Variants in ABHD6 observed in about 807,000 individuals in gnomAD.
The protein encoded by ABHD6 is abhydrolase domain containing 6, acylglycerol lipase, also known as monoacylglycerol lipase ABHD6.
ABHD6 carries 33 observed loss-of-function variants against 38.8 expected under a neutral mutation model. The observed-to-expected ratio is 0.85, with a 90% CI of 0.64 to 1.14. The LOEUF (loss-of-function observed/expected upper bound fraction) is 1.14, where lower values mean the gene tolerates loss of function less well. Ranked by LOEUF, ABHD6 falls within the 50% of genes most tolerant of loss-of-function variation. The pLI is 0.00. For synonymous variants in ABHD6, 147 were observed against 161.6 expected (o/e 0.91, Z 0.69); for missense variants, 380 against 422.6 (o/e 0.90, Z 0.88).
chr3:58,245,285 C>T (rs1384976931), intron 1 of ABHD6, among the ~76,000 whole-genome samples: 1 of 152,182 alleles, frequency 6.6e-6, no homozygotes, highest in Non-Finnish European at 1.5e-5. Flanking sequence ...CTGCCTCAGC[C>T]TCCTGAGTAG....
rs2097465435 is a variant in ABHD6, at chr3:58,293,978, T to C, written c.*213T>C. The C allele has an allele frequency of 2.1e-6, 1 of 466,046 alleles. No individual in the cohort carries two copies. The highest frequency in any genetic ancestry group is 3.7e-6 in the Non-Finnish European group (1 of 268,714). 28.9% of individuals were successfully genotyped at this position (466,046 alleles called of 1,614,324 possible). ...ATATTTTTCACAAAATAGAAACTCATATGGAACAAAATAAGAAACCCCAGC... is the reference window on the plus strand; with the variant it reads ...ATATTTTTCACAAAATAGAAACTCACATGGAACAAAATAAGAAACCCCAGC... On this transcript the variant is annotated 3_prime_UTR_variant, in exon 10 of 10. Transcript: ENST00000478253. The surrounding 1 kb of genome is among the most constrained non-coding windows in gnomAD (Gnocchi z 4.4).
Position 58,238,838 on chromosome 3 carries a change from C to T in ABHD6, c.-91+922C>T, listed in dbSNP as rs1427313522. ...TCATTTATCTCGCCGCCCCCCTCCC[C>T]GCTGCTCCCGCCTGCTCAGAAATCC... On this transcript the variant is annotated intron_variant, in intron 1 of 9. Coordinates refer to ENST00000478253, the MANE Select transcript of ABHD6 (RefSeq NM_001320126.2). This position sits in a 1 kb window ranked among gnomAD's most constrained non-coding sequence, Gnocchi z 6.9. Among the ~76,000 whole-genome samples the T allele has an allele frequency of 6.6e-6, 1 of 152,172 alleles. No individual in the cohort carries two copies. The highest frequency in any genetic ancestry group is 2.4e-5 in the African/African-American group (1 of 41,432).
Position 58,284,697 on chromosome 3 carries a change from C to T in ABHD6, c.682-388C>T, listed in dbSNP as rs150612983. ...AACTCCTGGCCTCAAGTGATCTGCC[C>T]GCCTTGGCCTCCTGAAGTGCTGGGA... On this transcript the variant is annotated intron_variant, in intron 7 of 9. Coordinates refer to ENST00000478253, the MANE Select transcript of ABHD6 (RefSeq NM_001320126.2). 3.2e-3 allele frequency among the ~76,000 whole-genome samples: 490 copies of T among 152,110 alleles called. 1 individual carries two copies. Among genetic ancestry groups the T allele is most frequent in the Non-Finnish European group, 4.9e-3 (333 of 67,994 alleles).
intron 3 of ABHD6, among the ~76,000 whole-genome samples, chr3:58,260,379 C>T (rs753093372): frequency 3.9e-5 from 6 of 152,172 alleles, no homozygotes; most frequent in African/African-American, 1.4e-4. Context: ...GATGAAAATC[C>T]TAGAAAACCT....
chr3:58,261,156 C>T (rs1385959502), intron 3 of ABHD6, among the ~76,000 whole-genome samples: 2 of 152,022 alleles, frequency 1.3e-5, no homozygotes, highest in Non-Finnish European at 2.9e-5. Context: ...CCCAAAGAAA[C>T]TCAGTTGTGA....
At chr3:58,240,305 T>C (rs2097421914) in intron 1 of ABHD6, among the ~76,000 whole-genome samples, 1 of 152,066 alleles carries the variant, frequency 6.6e-6, no homozygotes, top group Non-Finnish European at 1.5e-5. Context: ...CCTGGAACTC[T>C]TGGGCTCAAG....
At chr3:58,248,496 G>A (rs2097427900) in intron 1 of ABHD6, among the ~76,000 whole-genome samples, 1 of 152,136 alleles carries the variant, frequency 6.6e-6, no homozygotes, top group Non-Finnish European at 1.5e-5. Flanking sequence ...TTGGGAGTTC[G>A]AAGACCAGCC....
chr3:58,276,576 C>CT (rs1559780584), intron 7 of ABHD6, among the ~76,000 whole-genome samples: 1 of 152,158 alleles, frequency 6.6e-6, no homozygotes, highest in Non-Finnish European at 1.5e-5. Context: ...CCTGTTCACT[C>CT]TGATGGCAGT....
intron 2 of ABHD6, among the ~76,000 whole-genome samples, chr3:58,255,672 T>C (rs2097432756): frequency 6.6e-6 from 1 of 152,008 alleles, no homozygotes; most frequent in Non-Finnish European, 1.5e-5. Flanking sequence ...TTTTTTGAGA[T>C]AGAGTCTTGT....
rs2107450638 is a variant in ABHD6, at chr3:58,267,051, G to GA, written c.120-137dup. 4 of 924,140 alleles carry GA rather than the reference G, an allele frequency of 4.3e-6. No individual in the cohort carries two copies. In the East Asian group the frequency reaches 9.8e-5, roughly 23 times the overall value. 57.2% of individuals were successfully genotyped at this position (924,140 alleles called of 1,614,324 possible). On this transcript the variant is annotated intron_variant, in intron 3 of 9. Coordinates refer to ENST00000478253, the MANE Select transcript of ABHD6 (RefSeq NM_001320126.2). This position sits in a 1 kb window ranked among gnomAD's most constrained non-coding sequence, Gnocchi z 4.3. ...GGGTAAAGCTCAGGAGGACTCTAGA[G>GA]ACTGATGGAGGACAAGGGCTGGAGA...
Position 58,251,536 on chromosome 3 carries a change from A to G in ABHD6, c.-26+1594A>G, listed in dbSNP as rs147465864. On this transcript the variant is annotated intron_variant, in intron 2 of 9. Transcript: ENST00000478253. The surrounding 1 kb of genome is among the most constrained non-coding windows in gnomAD (Gnocchi z 5.4). The stretch of plus-strand genomic sequence containing the variant: ...TGTGCCTTACTCCTAACCCCAGATT[A>G]AACTTCATTTCCCTGATGTAATGTT... Among the ~76,000 whole-genome samples the G allele has an allele frequency of 2.0e-4, 31 of 152,352 alleles. No homozygotes were observed. The East Asian group carries it at 5.4e-3, about 27-fold the overall frequency.
At chr3:58,249,055 G>A (rs1006439878) in intron 1 of ABHD6, among the ~76,000 whole-genome samples, 2 of 152,012 alleles carry the variant, frequency 1.3e-5, no homozygotes, top group African/African-American at 4.8e-5. Context: ...GTTGTTATTG[G>A]TCTTGATTTG....
chr3:58,267,885 G>A lies in ABHD6; in HGVS notation c.276+540G>A, dbSNP rs1009016842. ...ACTTGAGCCCAGGAGTTTGAGACCA[G>A]CCTGGGCAACATAGGGAGACTCCGT... On this transcript the variant is annotated intron_variant, in intron 4 of 9. Transcript: ENST00000478253. This position sits in a 1 kb window ranked among gnomAD's most constrained non-coding sequence, Gnocchi z 4.3. Among the ~76,000 whole-genome samples, 4 of 152,128 alleles carry A rather than the reference G, an allele frequency of 2.6e-5. No individual in the cohort carries two copies. Among genetic ancestry groups the A allele is most frequent in the South Asian group, 4.1e-4 (2 of 4,824 alleles).
chr3:58,273,071 A>G lies in ABHD6; in HGVS notation c.524-1587A>G, dbSNP rs149837835. On this transcript the variant is annotated intron_variant, in intron 6 of 9. Coordinates refer to ENST00000478253, the MANE Select transcript of ABHD6 (RefSeq NM_001320126.2). The surrounding 1 kb of genome is among the most constrained non-coding windows in gnomAD (Gnocchi z 4.8). ...TGGGATCCAGTCCAGGATGTACCAC[A>G]TGACATCTAACCTAGGTTTAGTTTT... Among the ~76,000 whole-genome samples the G allele has an allele frequency of 4.5e-4, 68 of 152,324 alleles. No individual in the cohort carries two copies. In the East Asian group the frequency reaches 0.013, roughly 29 times the overall value.
Position 58,267,044 on chromosome 3 carries a change from C to T in ABHD6, c.120-145C>T. On this transcript the variant is annotated intron_variant, in intron 3 of 9. Coordinates refer to ENST00000478253, the MANE Select transcript of ABHD6 (RefSeq NM_001320126.2). The surrounding 1 kb of genome is among the most constrained non-coding windows in gnomAD (Gnocchi z 4.3). ...TCCTTGAGGGTAAAGCTCAGGAGGA[C>T]TCTAGAGACTGATGGAGGACAAGGG... is the stretch of plus-strand genomic sequence containing the variant. 1 of 852,682 alleles carries T rather than the reference C, an allele frequency of 1.2e-6. No individual in the cohort carries two copies. The highest frequency in any genetic ancestry group is 1.8e-6 in the Non-Finnish European group (1 of 550,252). 52.8% of individuals were successfully genotyped at this position (852,682 alleles called of 1,614,324 possible).
In ABHD6 at chr3:58,285,584, C is replaced by CCAACACA; in HGVS notation, c.837+131_837+132insCAACACA. The CCAACACA allele has an allele frequency of 3.9e-6, 3 of 768,406 alleles. No individual in the cohort carries two copies. Among genetic ancestry groups the CCAACACA allele is most frequent in the Non-Finnish European group, 6.7e-6 (3 of 449,870 alleles). The allele number at this position is 768,406 out of a possible 1,614,324, so 47.6% of individuals were successfully genotyped here. On this transcript the variant is annotated intron_variant, in intron 9 of 9. Coordinates refer to ENST00000478253, the MANE Select transcript of ABHD6 (RefSeq NM_001320126.2). The surrounding 1 kb of genome is among the most constrained non-coding windows in gnomAD (Gnocchi z 4.9). The stretch of plus-strand genomic sequence containing the variant: ...GCTGTCAGGAAGAGGGGGAAGGCAC[C>CCAACACA]TGTGTTGGGTGCCAGTGTTGACAGT...
At chr3:58,246,113 T>G (rs931016802) in intron 1 of ABHD6, among the ~76,000 whole-genome samples, 1 of 152,174 alleles carries the variant, frequency 6.6e-6, no homozygotes, top group Non-Finnish European at 1.5e-5. Flanking sequence ...AACGTTCAAA[T>G]CAAAGCCTGT....
chr3:58,245,827 A>AAAAC (rs1553717712), intron 1 of ABHD6, among the ~76,000 whole-genome samples: 1 of 150,894 alleles, frequency 6.6e-6, no homozygotes, highest in Admixed American at 6.6e-5. Flanking sequence ...GAAAGAAAGA[A>AAAAC]AAAGAAAGAA....
At chr3:58,268,074 T>C (rs2097442388) in intron 4 of ABHD6, among the ~76,000 whole-genome samples, 2 of 152,184 alleles carry the variant, frequency 1.3e-5, no homozygotes, top group African/African-American at 4.8e-5. Flanking sequence ...AGACCCTGTC[T>C]CAAAACAAAC....
Sources: gnomAD v4.1 joint callset for allele counts (sites outside exome capture counted in the v4.1 genomes callset) on GRCh38, gnomAD v4.1.1 for gene constraint, Gnocchi (gnomAD v3.1) non-coding constraint, MANE v1.5 for transcripts, NCBI Gene and HGNC (gene_info 2026-07-23, HGNC 2026-07-21) for gene names.